Variants in ARFIP1 observed in about 807,000 individuals in gnomAD.
ARFIP1 encodes the protein arfaptin-1.
In ARFIP1, 24 loss-of-function variants were observed where a neutral mutation model predicts 42.5. That is an observed-to-expected ratio of 0.57 (90% CI 0.41 to 0.80). The LOEUF (loss-of-function observed/expected upper bound fraction) is 0.80. Ranked by LOEUF, ARFIP1 falls within the 30% of genes least tolerant of loss-of-function variation. ARFIP1 has a pLI of 0.00. For synonymous variants in ARFIP1, 141 were observed against 153.7 expected (o/e 0.92, Z 0.61); for missense variants, 354 against 434.0 (o/e 0.82, Z 1.64).
intron 5 of ARFIP1, among the ~76,000 whole-genome samples, chr4:152,877,921 G>A (rs1735504587): frequency 6.6e-6 from 1 of 152,098 alleles, no homozygotes; most frequent in Non-Finnish European, 1.5e-5. Context: ...CAGCCATGTG[G>A]AACTCTAAGT....
At chr4:152,831,939 C>T (rs1008318544) in intron 2 of ARFIP1, among the ~76,000 whole-genome samples, 3 of 151,408 alleles carry the variant, frequency 2.0e-5, no homozygotes, top group African/African-American at 7.3e-5. Flanking sequence ...TTGCCCCCCA[C>T]CCCCCGAGTA....
intron 2 of ARFIP1, among the ~76,000 whole-genome samples, chr4:152,844,684 C>T (rs1459382611): frequency 1.3e-5 from 2 of 151,778 alleles, no homozygotes; most frequent in African/African-American, 4.8e-5. Context: ...TCTGTTTGTA[C>T]CTGCTGTTAT....
chr4:152,847,677 G>C, intron 2 of ARFIP1, among the ~76,000 whole-genome samples: 1 of 152,092 alleles, frequency 6.6e-6, no homozygotes. Flanking sequence ...TTTGTAAACT[G>C]TGTGTAGTAT....
intron 5 of ARFIP1, among the ~76,000 whole-genome samples, chr4:152,880,481 C>T (rs562023528): frequency 1.2e-4 from 18 of 152,118 alleles, no homozygotes; most frequent in African/African-American, 4.1e-4. Flanking sequence ...TCTTCCCCCC[C>T]GCTTTCATTC....
rs188010823 is a variant in ARFIP1 at position 152,840,223 on chromosome 4, G to A, written c.93+10497G>A. ...CGCTGTTGAATAGAATGTGTATTCT[G>A]TGGTGGTTGGATGAAATGTTCTATA... On this transcript the variant is annotated intron_variant, in intron 2 of 8. Transcript: ENST00000353617. Among the ~76,000 whole-genome samples the A allele has an allele frequency of 3.1e-3, 477 of 152,302 alleles. 2 individuals carry two copies. The highest frequency in any genetic ancestry group is 6.8e-3 in the Middle Eastern group (2 of 294).
intron 8 of ARFIP1, among the ~76,000 whole-genome samples, chr4:152,905,163 T>C (rs1459225409): frequency 6.6e-6 from 1 of 152,228 alleles, no homozygotes; most frequent in Non-Finnish European, 1.5e-5. Flanking sequence ...TATTATGAAC[T>C]TTCATGTAGA....
intron 2 of ARFIP1, among the ~76,000 whole-genome samples, chr4:152,848,985 A>G (rs1251143199): frequency 2.0e-5 from 3 of 152,332 alleles, no homozygotes; most frequent in Middle Eastern, 6.8e-3. Context: ...CCAAATATGT[A>G]TGTTGATCCC....
In ARFIP1 at chr4:152,889,375, T is replaced by C. The variant is rs1278074617; in HGVS notation, c.966+1068T>C. 2.7e-5 allele frequency among the ~76,000 whole-genome samples: 4 copies of C among 150,914 alleles called. No homozygotes were observed. The South Asian group carries it at 6.3e-4, about 24-fold the overall frequency. On this transcript the variant is annotated intron_variant, in intron 8 of 8. Transcript: ENST00000353617. The stretch of plus-strand genomic sequence containing the variant: ...GAAAATTACTCACCAGAAAACATTA[T>C]AGTGGCAATAAAGGAAACCTCAGCA...
chr4:152,798,322 G>GA (rs990268322), intron 1 of ARFIP1, among the ~76,000 whole-genome samples: 7 of 152,182 alleles, frequency 4.6e-5, no homozygotes, highest in Admixed American at 1.3e-4. Context: ...GATCTTAGTG[G>GA]AAATGCCTCT....
chr4:152,857,316 G>A (rs1176311562), intron 2 of ARFIP1, among the ~76,000 whole-genome samples: 1 of 152,140 alleles, frequency 6.6e-6, no homozygotes, highest in East Asian at 1.9e-4. Flanking sequence ...TTTTTTTAAA[G>A]CTATTTATTT....
intron 2 of ARFIP1, among the ~76,000 whole-genome samples, chr4:152,839,748 A>G (rs2149854893): frequency 6.6e-6 from 1 of 151,618 alleles, no homozygotes; most frequent in African/African-American, 2.4e-5. Flanking sequence ...TTCATTTATC[A>G]TTTGTATTTT....
chr4:152,877,642 G>A (rs936787884), intron 5 of ARFIP1, among the ~76,000 whole-genome samples: 5 of 152,086 alleles, frequency 3.3e-5, no homozygotes, highest in East Asian at 3.9e-4. Flanking sequence ...AGGGGCCAGG[G>A]GTGGAATGAT....
At chr4:152,873,620 A>G (rs1735076253) in intron 5 of ARFIP1, among the ~76,000 whole-genome samples, 1 of 152,200 alleles carries the variant, frequency 6.6e-6, no homozygotes, top group African/African-American at 2.4e-5. Flanking sequence ...CCACATAGCC[A>G]GTCAGTCGTT....
intron 5 of ARFIP1, among the ~76,000 whole-genome samples, chr4:152,880,092 A>G (rs1435146801): frequency 6.6e-6 from 1 of 152,222 alleles, no homozygotes; most frequent in African/African-American, 2.4e-5. Context: ...CTGTAATCCC[A>G]GCACTTTGGG....
chr4:152,830,883 T>G (rs969848222), intron 2 of ARFIP1, among the ~76,000 whole-genome samples: 1 of 152,180 alleles, frequency 6.6e-6, no homozygotes, highest in Non-Finnish European at 1.5e-5. Flanking sequence ...ATAGTAGAAG[T>G]GTCCACTGAA....
chr4:152,888,070 AC>A, intron 7 of ARFIP1, 62 bp from the exon 8 acceptor site: 1 of 1,369,178 alleles, frequency 7.3e-7, no homozygotes, highest in Non-Finnish European at 9.9e-7. Flanking sequence ...CGTATTTCCA[AC>A]CCATTTTTTG....
intron 8 of ARFIP1, among the ~76,000 whole-genome samples, chr4:152,901,805 A>G (rs1043459932): frequency 6.6e-6 from 1 of 152,160 alleles, no homozygotes; most frequent in Non-Finnish European, 1.5e-5. Context: ...ATGTTTTATT[A>G]ATCTTCATAG....
chr4:152,801,717 A>T (rs1241867322), intron 1 of ARFIP1, among the ~76,000 whole-genome samples: 1 of 152,208 alleles, frequency 6.6e-6, no homozygotes, highest in African/African-American at 2.4e-5. Flanking sequence ...TAGGGTACCC[A>T]TAGTGACAAA....
chr4:152,841,658 A>G (rs961334834), intron 2 of ARFIP1, among the ~76,000 whole-genome samples: 3 of 152,142 alleles, frequency 2.0e-5, no homozygotes, highest in African/African-American at 7.2e-5. Context: ...ACTTAGTTTC[A>G]CTGGATACAA....
Sources: gnomAD v4.1 joint callset for allele counts (sites outside exome capture counted in the v4.1 genomes callset) on GRCh38, gnomAD v4.1.1 for gene constraint, MANE v1.5 for transcripts, NCBI Gene and HGNC (gene_info 2026-07-23, HGNC 2026-07-21) for gene names.